The following MAGI2 variants were observed in gnomAD, a reference collection of about 807,000 sequenced individuals.
The protein encoded by MAGI2 is membrane-associated guanylate kinase, WW and PDZ domain-containing protein 2.
In MAGI2, 35 loss-of-function variants were observed where a neutral mutation model predicts 133.3. The observed-to-expected ratio is 0.26, with a 90% CI of 0.20 to 0.35. The LOEUF (loss-of-function observed/expected upper bound fraction) is 0.35. Among genes scored for constraint, MAGI2 ranks in the 10% least tolerant of loss-of-function variants. MAGI2 has a pLI of 1.00. For synonymous variants in MAGI2, 729 were observed against 710.6 expected (o/e 1.03, Z -0.41); for missense variants, 1,636 against 1,863.4 (o/e 0.88, Z 2.25).
chr7:78,511,357 C>G (rs1795544910), intron 4 of MAGI2, among the ~76,000 whole-genome samples: 1 of 151,778 alleles, frequency 6.6e-6, no homozygotes, highest in South Asian at 2.1e-4. Context: ...AGAAAGGGAG[C>G]AGTCACGCAT....
intron 6 of MAGI2, among the ~76,000 whole-genome samples, chr7:78,459,263 A>C (rs1217226658): frequency 6.6e-6 from 1 of 152,232 alleles, no homozygotes; most frequent in Non-Finnish European, 1.5e-5. Context: ...AATAATCTGC[A>C]GTAGATAGAA....
chr7:78,594,787 G>T (rs1222229722), intron 3 of MAGI2, among the ~76,000 whole-genome samples: 4 of 152,100 alleles, frequency 2.6e-5, no homozygotes, highest in Admixed American at 6.5e-5. Context: ...ACCTGTTTAG[G>T]ATGAAACAAG....
intron 2 of MAGI2, among the ~76,000 whole-genome samples, chr7:78,778,873 T>C (rs1826180364): frequency 1.3e-5 from 2 of 151,704 alleles, no homozygotes. Context: ...CATATAATAA[T>C]TTCTCAGGAA....
At chr7:78,271,775 A>G (rs1158963773) in intron 9 of MAGI2, among the ~76,000 whole-genome samples, 1 of 152,026 alleles carries the variant, frequency 6.6e-6, no homozygotes. Context: ...GGTAGTTTGT[A>G]TTTCTGTGGG....
chr7:78,839,751 G>T (rs1190320738), intron 2 of MAGI2, among the ~76,000 whole-genome samples: 1 of 152,000 alleles, frequency 6.6e-6, no homozygotes, highest in Non-Finnish European at 1.5e-5. Context: ...TTTGGGTAGG[G>T]ACACAGAGCC....
chr7:78,457,317 A>G (rs1053827801), intron 6 of MAGI2, among the ~76,000 whole-genome samples: 1 of 152,202 alleles, frequency 6.6e-6, no homozygotes, highest in African/African-American at 2.4e-5. Flanking sequence ...CACAGAGTCA[A>G]GAAGGATGCT....
intron 2 of MAGI2, among the ~76,000 whole-genome samples, chr7:78,639,206 A>G (rs771896889): frequency 9.8e-5 from 15 of 152,348 alleles, no homozygotes; most frequent in Non-Finnish European, 1.3e-4. Context: ...TGCCCAAGGT[A>G]GATAGTAGAA....
In MAGI2 at chr7:79,350,772, CT is replaced by C. The variant is rs1488330831; in HGVS notation, c.301+102247del. 2.0e-5 allele frequency among the ~76,000 whole-genome samples: 3 copies of C among 152,216 alleles called. No homozygotes were observed. The East Asian group carries it at 5.8e-4, about 29-fold the overall frequency. On this transcript the variant is annotated intron_variant, in intron 1 of 21. Transcript: ENST00000354212. ...TTTTGAATTTAGATAAGAATCACATCTCTTTGTTTTTCTACTAAGTTCTAAA... is the reference window on the plus strand; with the variant it reads ...TTTTGAATTTAGATAAGAATCACATCCTTTGTTTTTCTACTAAGTTCTAAA...
At chr7:78,865,579 G>A (rs1794490086) in intron 2 of MAGI2, among the ~76,000 whole-genome samples, 1 of 152,250 alleles carries the variant, frequency 6.6e-6, no homozygotes, top group East Asian at 1.9e-4. Context: ...CACAAGAAGA[G>A]AAATTAAACA....
At chr7:79,392,453 G>A (rs1374631041) in intron 1 of MAGI2, among the ~76,000 whole-genome samples, 2 of 152,120 alleles carry the variant, frequency 1.3e-5, no homozygotes, top group Non-Finnish European at 2.9e-5. Context: ...CACAGTGATT[G>A]AACTAATTAA....
chr7:78,469,789 C>G (rs1286709267), intron 6 of MAGI2, among the ~76,000 whole-genome samples: 1 of 152,066 alleles, frequency 6.6e-6, no homozygotes, highest in Non-Finnish European at 1.5e-5. Flanking sequence ...GATCTCAGCC[C>G]ACTCTCAAAT....
chr7:78,380,967 A>T (rs1197920157), intron 6 of MAGI2, among the ~76,000 whole-genome samples: 5 of 152,330 alleles, frequency 3.3e-5, no homozygotes, highest in Middle Eastern at 3.4e-3. Flanking sequence ...AATATAATTG[A>T]TGGAAATGAG....
chr7:79,178,719 A>C (rs922364948), intron 1 of MAGI2, among the ~76,000 whole-genome samples: 1 of 151,960 alleles, frequency 6.6e-6, no homozygotes, highest in Non-Finnish European at 1.5e-5. Context: ...TTCAAAAAAA[A>C]AAAACTATCA....
At chr7:78,296,229 G>A (rs754338294) in intron 9 of MAGI2, among the ~76,000 whole-genome samples, 4 of 152,186 alleles carry the variant, frequency 2.6e-5, no homozygotes, top group Non-Finnish European at 5.9e-5. Context: ...AAAGCCAGAA[G>A]ATGCCTTACT....
chr7:78,634,930 A>T (rs932902837), intron 2 of MAGI2, among the ~76,000 whole-genome samples: 7 of 152,110 alleles, frequency 4.6e-5, no homozygotes, highest in African/African-American at 1.7e-4. Context: ...TTTTATTCTT[A>T]TTATTTATTC....
At chr7:78,786,085 C>A (rs1001875147) in intron 2 of MAGI2, among the ~76,000 whole-genome samples, 1 of 152,014 alleles carries the variant, frequency 6.6e-6, no homozygotes, top group Non-Finnish European at 1.5e-5. Flanking sequence ...CCCCCACAAC[C>A]CCTGATAGAT....
chr7:79,372,456 T>C (rs1452200001), intron 1 of MAGI2, among the ~76,000 whole-genome samples: 1 of 151,972 alleles, frequency 6.6e-6, no homozygotes, highest in Non-Finnish European at 1.5e-5. Flanking sequence ...AGACTTAGAG[T>C]AGAACAGACT....
chr7:78,210,049 T>C (rs1407782973), intron 10 of MAGI2, among the ~76,000 whole-genome samples: 2 of 152,218 alleles, frequency 1.3e-5, no homozygotes, highest in African/African-American at 2.4e-5. Flanking sequence ...TTCCTTATTA[T>C]AGTTTTTCAT....
chr7:79,241,528 C>G (rs1037469209), intron 1 of MAGI2, among the ~76,000 whole-genome samples: 1 of 151,932 alleles, frequency 6.6e-6, no homozygotes, highest in African/African-American at 2.4e-5. Flanking sequence ...GGGGACAGGC[C>G]AAGTTAACCA....
Sources: allele counts gnomAD v4.1 joint callset (sites outside exome capture counted in the v4.1 genomes callset), GRCh38; gene constraint gnomAD v4.1.1; transcripts MANE v1.5; gene names NCBI Gene and HGNC (gene_info 2026-07-23, HGNC 2026-07-21).